THAP12: variants seen among roughly 807,000 people sequenced by gnomAD.
THAP12 encodes the protein THAP domain containing 12, also known as 52 kDa repressor of the inhibitor of the protein kinase.
Under a neutral mutation model 63.0 loss-of-function variants are expected in THAP12, and 20 were observed. The ratio of observed to expected loss-of-function variants is 0.32; its 90% CI spans 0.22 to 0.46. The LOEUF is 0.46. Ranked by LOEUF, THAP12 falls within the 20% of genes least tolerant of loss-of-function variation. The pLI is 1.00. For missense variants in THAP12, 568 were observed against 908.2 expected (o/e 0.63, Z 4.81); for synonymous variants, 264 against 328.4 (o/e 0.80, Z 2.12).
chr11:76,362,828 G>GA (rs199813527), intron 2 of THAP12, among the ~76,000 whole-genome samples: 1,712 of 152,174 alleles, frequency 0.011, 40 homozygotes, highest in African/African-American at 0.039. Flanking sequence ...ATGTATGAAT[G>GA]AAAAAAATGA....
chr11:76,380,852 G>A lies in THAP12; in HGVS notation c.-16C>T, dbSNP rs1565238420. On this transcript the variant is annotated 5_prime_UTR_variant, in exon 1 of 5. Transcript: ENST00000260045. ...AGTTCGGCATCGTCGCCCGCCCGCC[G>A]GCCGGCCCAGCCCTCCCCTCCCCGC... 4.2e-6 allele frequency: 6 copies of A among 1,418,930 alleles called. No homozygotes were observed. Among genetic ancestry groups the A allele is most frequent in the Non-Finnish European group, 5.6e-6 (6 of 1,074,640 alleles). The allele number at this position is 1,418,930 out of a possible 1,614,324, so 87.9% of individuals were successfully genotyped here.
rs1946520466 is a variant in THAP12, at chr11:76,350,807, C to A, written c.*57G>T. On this transcript the variant is annotated 3_prime_UTR_variant, in exon 5 of 5. Transcript: ENST00000260045. ...TTAGTGATTAAGTGGTCTACATACA[C>A]CTTACGGCTTTTTCTTCCAAATATC... The A allele has an allele frequency of 2.0e-6, 3 of 1,470,682 alleles. No homozygotes were observed. Among genetic ancestry groups the A allele is most frequent in the Non-Finnish European group, 2.7e-6 (3 of 1,111,562 alleles). 91.1% of individuals were successfully genotyped at this position (1,470,682 alleles called of 1,614,324 possible). A position where few individuals can be genotyped will look rare whatever the true frequency, so the allele number is the denominator to read the frequency against.
chr11:76,371,731 A>C (rs1251710551), intron 1 of THAP12, among the ~76,000 whole-genome samples: 1 of 152,000 alleles, frequency 6.6e-6, no homozygotes, highest in Non-Finnish European at 1.5e-5. Flanking sequence ...GAAACTGCTC[A>C]AGAAAATTAC....
intron 4 of THAP12, among the ~76,000 whole-genome samples, chr11:76,354,820 C>T (rs1220710165): frequency 2.6e-5 from 4 of 152,170 alleles, no homozygotes; most frequent in Non-Finnish European, 5.9e-5. Context: ...TATTTTCTAA[C>T]CATAATGGGT....
intron 1 of THAP12, among the ~76,000 whole-genome samples, chr11:76,373,899 AC>A (rs1239974379): frequency 6.6e-6 from 1 of 152,210 alleles, no homozygotes; most frequent in Non-Finnish European, 1.5e-5. Flanking sequence ...TCATTAAAAT[AC>A]CAACCTTATG....
intron 1 of THAP12, among the ~76,000 whole-genome samples, chr11:76,378,256 TA>T (rs199848262): frequency 0.021 from 3,226 of 151,188 alleles, 122 homozygotes; most frequent in African/African-American, 0.075. Flanking sequence ...CCGTCTTGAC[TA>T]AAAAAAAATA....
At chr11:76,380,011 C>T (rs1352646997) in intron 1 of THAP12, among the ~76,000 whole-genome samples, 3 of 152,184 alleles carry the variant, frequency 2.0e-5, no homozygotes, top group Non-Finnish European at 4.4e-5. Flanking sequence ...ACATAGTAGG[C>T]ATTGATTTTA....
At chr11:76,373,343 C>CAA (rs202157534) in intron 1 of THAP12, among the ~76,000 whole-genome samples, 6 of 62,388 alleles carry the variant, frequency 9.6e-5, no homozygotes, top group East Asian at 4.3e-4. Flanking sequence ...GACACTGTCT[C>CAA]AAAAAAAAAA....
Position 76,381,028 on chromosome 11 carries a change from A to C in THAP12, c.-192T>G. The C allele has an allele frequency of 1.8e-5, 4 of 228,378 alleles. No individual in the cohort carries two copies. Among genetic ancestry groups the C allele is most frequent in the Non-Finnish European group, 3.3e-5 (4 of 120,658 alleles). 14.1% of individuals were successfully genotyped at this position (228,378 alleles called of 1,614,324 possible). On this transcript the variant is annotated 5_prime_UTR_variant, in exon 1 of 5. Transcript: ENST00000260045. The stretch of plus-strand genomic sequence containing the variant: ...GCCGCGGTCCGAGGCCGGGCTGGGG[A>C]CGCGGCTCCACAGTGCTGTGAGCGG...
chr11:76,362,164 A>T (rs61892804), intron 2 of THAP12, among the ~76,000 whole-genome samples: 248 of 152,378 alleles, frequency 1.6e-3, no homozygotes, highest in Admixed American at 2.8e-3. Flanking sequence ...CACTCCCCTC[A>T]GACAGTCCAA....
chr11:76,359,042 C>T (rs1039552500), intron 3 of THAP12: 2 of 152,032 alleles, frequency 1.3e-5, no homozygotes, highest in Non-Finnish European at 2.9e-5. Context: ...GCAGATGATA[C>T]AATCAGTAAC....
At chr11:76,364,534 C>T in intron 2 of THAP12, 2 of 266,096 alleles carry the variant, frequency 7.5e-6, no homozygotes, top group South Asian at 3.2e-5. Flanking sequence ...ATTAGTTACA[C>T]TGAAACAAGT....
rs558482488 is a variant in THAP12 at position 76,361,319 on chromosome 11, A to C, written c.211-256T>G. The C allele has an allele frequency of 6.3e-5, 23 of 362,222 alleles. No homozygotes were observed. In the South Asian group the frequency reaches 9.5e-4, roughly 15 times the overall value. The allele number at this position is 362,222 out of a possible 1,614,324, so 22.4% of individuals were successfully genotyped here. On this transcript the variant is annotated intron_variant, in intron 2 of 4. Coordinates refer to ENST00000260045, the MANE Select transcript of THAP12 (RefSeq NM_004705.4). ...AATATAAAATGTACTTGCATTTTGCATATCTGTTTCTAATTCAGCATCCCA... is the reference window on the plus strand; with the variant it reads ...AATATAAAATGTACTTGCATTTTGCCTATCTGTTTCTAATTCAGCATCCCA...
At chr11:76,375,747 T>TTG (rs1555025964) in intron 1 of THAP12, among the ~76,000 whole-genome samples, 7 of 85,442 alleles carry the variant, frequency 8.2e-5, no homozygotes, top group African/African-American at 1.2e-4. Context: ...GAAGAAAAGG[T>TTG]GGGGGGGGGG....
At chr11:76,366,382 C>T (rs1234920963) in intron 1 of THAP12, among the ~76,000 whole-genome samples, 4 of 152,142 alleles carry the variant, frequency 2.6e-5, no homozygotes, top group African/African-American at 9.7e-5. Context: ...AACACTGTCA[C>T]TGTAGAAAAT....
intron 2 of THAP12, among the ~76,000 whole-genome samples, chr11:76,365,123 G>A (rs1946622173): frequency 6.6e-6 from 1 of 151,712 alleles, no homozygotes; most frequent in Non-Finnish European, 1.5e-5. Context: ...TCTACTAAAA[G>A]TACAAAAATT....
chr11:76,353,041 T>C (rs969438603), intron 4 of THAP12, among the ~76,000 whole-genome samples: 1 of 152,020 alleles, frequency 6.6e-6, no homozygotes, highest in African/African-American at 2.4e-5. Context: ...TGTTACAAGA[T>C]AGGAATAATT....
intron 1 of THAP12, among the ~76,000 whole-genome samples, chr11:76,379,898 C>T (rs1565237799): frequency 1.3e-5 from 2 of 152,160 alleles, no homozygotes; most frequent in Non-Finnish European, 2.9e-5. Context: ...AAATTATAGT[C>T]GCCCGTTGCT....
intron 3 of THAP12, chr11:76,358,542 C>CTAT (rs1376369158): frequency 6.6e-6 from 1 of 152,164 alleles, no homozygotes; most frequent in Non-Finnish European, 1.5e-5. Flanking sequence ...TGGTGGCTCA[C>CTAT]TATTGTAATC....
Sources: gnomAD v4.1 joint callset for allele counts (sites outside exome capture counted in the v4.1 genomes callset) on GRCh38, gnomAD v4.1.1 for gene constraint, MANE v1.5 for transcripts, NCBI Gene and HGNC (gene_info 2026-07-23, HGNC 2026-07-21) for gene names.